The following AKR1C3 variants were observed in gnomAD, a reference collection of about 807,000 sequenced individuals.
The protein encoded by AKR1C3 is 3-alpha hydroxysteroid dehydrogenase, type II.
AKR1C3 carries 48 observed loss-of-function variants against 43.6 expected under a neutral mutation model. The observed-to-expected ratio is 1.10, with a 90% CI of 0.87 to 1.40. The LOEUF (loss-of-function observed/expected upper bound fraction) is 1.40. AKR1C3 is among the 40% of genes most tolerant of loss of function. The pLI is 0.00. For missense variants in AKR1C3, 482 were observed against 391.2 expected (o/e 1.23, Z -1.96); for synonymous variants, 162 against 139.6 (o/e 1.16, Z -1.13).
rs571360790 is a variant in AKR1C3, at chr10:5,056,864, A to G, written c.84+7969A>G. Among the ~76,000 whole-genome samples the G allele has an allele frequency of 1.2e-4, 19 of 152,224 alleles. 1 individual carries two copies. The highest frequency in any genetic ancestry group is 2.5e-4 in the Non-Finnish European group (17 of 68,034). ...CCAATTACAACTGAGGAGGTGAGAG[A>G]AATACCTGGTGCCAGGCTGTCCCAG... On this transcript the variant is annotated intron_variant, in intron 1 of 8. Coordinates refer to the AKR1C3 transcript ENST00000439082.
intron 1 of AKR1C3, chr10:5,077,669 C>T (rs1350926250): frequency 3.7e-6 from 4 of 1,092,150 alleles, no homozygotes; most frequent in African/African-American, 1.6e-5. Flanking sequence ...AGTAAAATGG[C>T]AGGATGGTTT....
rs1838405464 is a variant in AKR1C3, at chr10:5,062,753, TGA to T, written c.84+13861_84+13862del. On this transcript the variant is annotated intron_variant, in intron 1 of 8. Coordinates refer to the AKR1C3 transcript ENST00000439082. The stretch of plus-strand genomic sequence containing the variant: ...CAAGCATAACATGTTTTTCCAGATG[TGA>T]GATAATCATTAGGGCAGTCATTTGT... 2.0e-5 allele frequency among the ~76,000 whole-genome samples: 3 copies of T among 151,760 alleles called. 1 individual carries two copies. The highest frequency in any genetic ancestry group is 7.2e-5 in the African/African-American group (3 of 41,380).
chr10:5,067,336 A>G (rs1333792242), intron 1 of AKR1C3, among the ~76,000 whole-genome samples: 3 of 152,202 alleles, frequency 2.0e-5, no homozygotes, highest in African/African-American at 4.8e-5. Flanking sequence ...CAAGGATGCC[A>G]TCTTCATTTT....
chr10:5,106,659 G>A (rs987909050), intron 8 of AKR1C3, among the ~76,000 whole-genome samples: 5 of 151,934 alleles, frequency 3.3e-5, no homozygotes, highest in African/African-American at 4.8e-5. Flanking sequence ...GCTGAGGCAG[G>A]AGAATCGCTT....
At chr10:5,073,613 A>G (rs1838654311) in intron 1 of AKR1C3, among the ~76,000 whole-genome samples, 1 of 152,210 alleles carries the variant, frequency 6.6e-6, no homozygotes, top group African/African-American at 2.4e-5. Flanking sequence ...CATATGAAGA[A>G]TTGAAAACCC....
At chr10:5,098,186 G>A in intron 3 of AKR1C3, 3 of 985,088 alleles carry the variant, frequency 3.0e-6, no homozygotes, top group South Asian at 9.4e-5. Flanking sequence ...CAAAGACATG[G>A]CTACATTTAA....
chr10:5,087,975 C>G (rs1937906), intron 1 of AKR1C3, among the ~76,000 whole-genome samples: 69,159 of 151,836 alleles, frequency 0.46, 16,646 homozygotes, highest in East Asian at 0.86. Flanking sequence ...ATAAATTTAT[C>G]TCTTAGCACT....
chr10:5,107,363 C>T, intron 8 of AKR1C3, 98 bp from the exon 9 acceptor site: 1 of 870,432 alleles, frequency 1.1e-6, no homozygotes, highest in South Asian at 1.5e-5. Context: ...AGTCAGACAA[C>T]TTAACATTCA....
chr10:5,071,677 C>T (rs1300203277), intron 1 of AKR1C3, among the ~76,000 whole-genome samples: 3 of 152,192 alleles, frequency 2.0e-5, no homozygotes, highest in African/African-American at 7.2e-5. Flanking sequence ...TGAGAAAACT[C>T]ACGGCTTCCA....
At chr10:5,049,826 T>TCAC (rs1310890600) in intron 1 of AKR1C3, among the ~76,000 whole-genome samples, 8 of 152,326 alleles carry the variant, frequency 5.3e-5, no homozygotes, top group South Asian at 2.1e-4. Context: ...TGTGTTAATT[T>TCAC]CACTTTATTA....
At chr10:5,067,695 C>A (rs1838537399) in intron 1 of AKR1C3, among the ~76,000 whole-genome samples, 1 of 152,086 alleles carries the variant, frequency 6.6e-6, no homozygotes, top group South Asian at 2.1e-4. Flanking sequence ...ACTGAATGTA[C>A]CTGAAGCTTT....
chr10:5,054,399 G>T (rs1213093975), intron 1 of AKR1C3, among the ~76,000 whole-genome samples: 3 of 152,158 alleles, frequency 2.0e-5, no homozygotes, highest in Non-Finnish European at 2.9e-5. Flanking sequence ...TGCACTGACG[G>T]ACTTGAGCTT....
chr10:5,073,715 T>G (rs2105450), intron 1 of AKR1C3, among the ~76,000 whole-genome samples: 80,285 of 152,110 alleles, frequency 0.53, 25,802 homozygotes, highest in Non-Finnish European at 0.72. Flanking sequence ...CATGACTGTA[T>G]TTTGGTATTC....
At position 5,107,430 on chromosome 10, in the gene AKR1C3, G is replaced by A. The variant is rs1264812549; in HGVS notation, c.930-31G>A. The A allele has an allele frequency of 4.1e-6, 6 of 1,450,212 alleles. No homozygotes were observed. In the African/African-American group the frequency reaches 7.0e-5, roughly 17 times the overall value. The allele number at this position is 1,450,212 out of a possible 1,614,324, so 89.8% of individuals were successfully genotyped here. ...CTACTCCCCTAGTAATGGAGTCATT[G>A]CATTTATATTATACATTATTCTCTT... is the stretch of plus-strand genomic sequence containing the variant. On this transcript the variant is annotated intron_variant, in intron 8 of 8. Coordinates refer to ENST00000380554, the MANE Select transcript of AKR1C3 (RefSeq NM_003739.6).
chr10:5,105,014 T>C (rs1839463843), intron 7 of AKR1C3, among the ~76,000 whole-genome samples: 3 of 151,824 alleles, frequency 2.0e-5, no homozygotes, highest in Admixed American at 2.0e-4. Flanking sequence ...CAATTCCATG[T>C]GTTAGCAATT....
chr10:5,052,981 C>A (rs188240999), intron 1 of AKR1C3, among the ~76,000 whole-genome samples: 1 of 152,152 alleles, frequency 6.6e-6, no homozygotes, highest in Admixed American at 6.5e-5. Flanking sequence ...ATTCACAAAC[C>A]CTGAGCTAGA....
chr10:5,102,558 C>G lies in AKR1C3; in HGVS notation c.754C>G (p.Pro252Ala), dbSNP rs1839384763. 1 of 1,570,536 alleles carries G rather than the reference C, an allele frequency of 6.4e-7. No homozygotes were observed. The highest frequency in any genetic ancestry group is 8.7e-7 in the Non-Finnish European group (1 of 1,155,592). The part of the protein sequence containing the change: ...CALAKKHKRT[P>A]ALIALRYQLQ... ...CTTGGCAAAAAAGCACAAGCGAACC[C>G]CAGCCCTGATTGCCCTGCGCTACCA... The change falls in exon 7 of 9, where the codon CCA becomes GCA. Residue 252 changes from proline to alanine, a missense_variant. Pro to Ala is a conservative substitution (Grantham distance 27). Coordinates refer to ENST00000380554, the MANE Select transcript of AKR1C3 (RefSeq NM_003739.6).
At chr10:5,059,581 G>T (rs2131782731) in intron 1 of AKR1C3, among the ~76,000 whole-genome samples, 1 of 152,326 alleles carries the variant, frequency 6.6e-6, no homozygotes, top group South Asian at 2.1e-4. Flanking sequence ...GGGGTTGTTA[G>T]CCCTTTCCCA....
At chr10:5,102,998 T>G (rs587602139) in intron 7 of AKR1C3, among the ~76,000 whole-genome samples, 48 of 151,984 alleles carry the variant, frequency 3.2e-4, no homozygotes, top group Middle Eastern at 6.8e-3. Context: ...GGGATGATTC[T>G]CCTGCCTCAG....
Sources: allele counts gnomAD v4.1 joint callset (sites outside exome capture counted in the v4.1 genomes callset), GRCh38; gene constraint gnomAD v4.1.1; transcripts MANE v1.5; gene names NCBI Gene and HGNC (gene_info 2026-07-23, HGNC 2026-07-21).